NFIB: variants seen among roughly 807,000 people sequenced by gnomAD.
NFIB encodes nuclear factor 1 B-type.
In NFIB, 11 loss-of-function variants were observed where a neutral mutation model predicts 61.5. That is an observed-to-expected ratio of 0.18 (90% CI 0.11 to 0.30). The LOEUF is 0.30. Ranked by LOEUF, NFIB falls within the 10% of genes least tolerant of loss-of-function variation. The pLI is 1.00. For synonymous variants in NFIB, 260 were observed against 216.5 expected, an observed-to-expected ratio of 1.20 and a Z score of -1.76; for missense variants, 471 against 608.9, an observed-to-expected ratio of 0.77 and a Z score of 2.38.
At chr9:14,493,112 G>A in the NFIB span, among the ~76,000 whole-genome samples, 3 of 152,176 alleles carry the variant, frequency 2.0e-5, no homozygotes, top group Non-Finnish European at 4.4e-5. Flanking sequence ...TCACTCTAAG[G>A]CAGTGCTCTC....
intron 2 of NFIB, among the ~76,000 whole-genome samples, chr9:14,206,333 A>T (rs12004290): frequency 0.24 from 35,713 of 151,464 alleles, 4,304 homozygotes; most frequent in South Asian, 0.39. Context: ...CACCTGGCTA[A>T]TTTTTTTGTA....
intron 2 of NFIB, among the ~76,000 whole-genome samples, chr9:14,304,363 A>C (rs2059911349): frequency 6.6e-6 from 1 of 152,246 alleles, no homozygotes; most frequent in Non-Finnish European, 1.5e-5. Context: ...GCAGTGTGTG[A>C]TCTTGTATAA....
At chr9:14,301,484 C>A (rs931828905) in intron 2 of NFIB, among the ~76,000 whole-genome samples, 1 of 152,112 alleles carries the variant, frequency 6.6e-6, no homozygotes, top group Non-Finnish European at 1.5e-5. Flanking sequence ...TTTTACCAAC[C>A]TTTGCTGCCT....
At chr9:14,440,705 G>C in the NFIB span, among the ~76,000 whole-genome samples, 1 of 152,322 alleles carries the variant, frequency 6.6e-6, no homozygotes, top group East Asian at 1.9e-4. Flanking sequence ...GAGTGAGAGA[G>C]AAACCAGGGA....
At chr9:14,173,938 C>G (rs2045860786) in intron 3 of NFIB, among the ~76,000 whole-genome samples, 3 of 152,116 alleles carry the variant, frequency 2.0e-5, no homozygotes, top group Admixed American at 2.0e-4. Flanking sequence ...GTAGATCAAC[C>G]TTTCATGAGT....
chr9:14,530,981 G>A, the NFIB span, among the ~76,000 whole-genome samples: 19 of 152,174 alleles, frequency 1.2e-4, no homozygotes, highest in South Asian at 2.1e-4. Context: ...GAATTTAATA[G>A]TCATATGAAA....
At chr9:14,142,501 G>C (rs1471445497) in intron 6 of NFIB, among the ~76,000 whole-genome samples, 1 of 152,064 alleles carries the variant, frequency 6.6e-6, no homozygotes, top group African/African-American at 2.4e-5. Context: ...ACTGGATTTA[G>C]TCTCATGAGA....
intron 7 of NFIB, among the ~76,000 whole-genome samples, chr9:14,122,290 A>G (rs2039046418): frequency 6.6e-6 from 1 of 152,106 alleles, no homozygotes; most frequent in South Asian, 2.1e-4. Context: ...ACATAAATTC[A>G]ATTTTATAGT....
the NFIB span, among the ~76,000 whole-genome samples, chr9:14,476,141 C>A: frequency 6.6e-6 from 1 of 152,060 alleles, no homozygotes; most frequent in Non-Finnish European, 1.5e-5. Context: ...AACTCTACTC[C>A]CTAAACCAAA....
intron 2 of NFIB, among the ~76,000 whole-genome samples, chr9:14,260,440 T>C (rs192992393): frequency 1.3e-5 from 2 of 152,374 alleles, no homozygotes; most frequent in East Asian, 3.9e-4. Flanking sequence ...TTAGTTTATG[T>C]AGCTTATGTG....
intron 1 of NFIB, among the ~76,000 whole-genome samples, chr9:14,320,938 G>A (rs1275366105): frequency 1.3e-5 from 2 of 152,012 alleles, no homozygotes; most frequent in African/African-American, 4.8e-5. Context: ...CTGTACTTGG[G>A]GGGTGGGGGA....
At chr9:14,220,396 G>A (rs566842289) in intron 2 of NFIB, among the ~76,000 whole-genome samples, 31 of 152,266 alleles carry the variant, frequency 2.0e-4, no homozygotes, top group Non-Finnish European at 3.1e-4. Flanking sequence ...TTTGAATTCT[G>A]CTTCCATGTA....
At chr9:14,209,311 A>T (rs2050071926) in intron 2 of NFIB, among the ~76,000 whole-genome samples, 1 of 152,200 alleles carries the variant, frequency 6.6e-6, no homozygotes, top group African/African-American at 2.4e-5. Context: ...TGGAAGGAAA[A>T]GGATCACAAT....
chr9:14,398,445 C>T, intron 1 of NFIB: 1 of 1,076,120 alleles, frequency 9.3e-7, no homozygotes, highest in Non-Finnish European at 1.3e-6. Flanking sequence ...TTTCTGAACC[C>T]CACACTGAGA....
At position 14,083,845 on chromosome 9, in the gene NFIB, T is replaced by C. The variant is rs900877337; in HGVS notation, c.*4464A>G. 9.3e-5 allele frequency: 21 copies of C among 225,902 alleles called. No homozygotes were observed. Among genetic ancestry groups the C allele is most frequent in the African/African-American group, 3.8e-4 (17 of 44,998 alleles). The allele number at this position is 225,902 out of a possible 1,614,324, so 14.0% of individuals were successfully genotyped here. Reference sequence around the variant, plus strand: ...GATTCTGCTCCCTGAGGACACGTTATGTGAGACATAGCACTGTTTTAGTTT... The same window carrying C: ...GATTCTGCTCCCTGAGGACACGTTACGTGAGACATAGCACTGTTTTAGTTT... On this transcript the variant is annotated 3_prime_UTR_variant, in exon 11 of 11. Coordinates refer to ENST00000380953, the MANE Select transcript of NFIB (RefSeq NM_001190737.2).
chr9:14,483,577 C>T, the NFIB span, among the ~76,000 whole-genome samples: 1 of 152,156 alleles, frequency 6.6e-6, no homozygotes, highest in African/African-American at 2.4e-5. Flanking sequence ...ATTATTTAAC[C>T]TCTCTGAGCT....
At chr9:14,288,710 C>T (rs2058876855) in intron 2 of NFIB, among the ~76,000 whole-genome samples, 1 of 151,898 alleles carries the variant, frequency 6.6e-6, no homozygotes, top group South Asian at 2.1e-4. Flanking sequence ...TATACTTGTC[C>T]CACTATCTTT....
intron 2 of NFIB, among the ~76,000 whole-genome samples, chr9:14,215,983 G>A (rs1260706589): frequency 1.3e-5 from 2 of 152,068 alleles, no homozygotes; most frequent in Non-Finnish European, 2.9e-5. Flanking sequence ...TGGGGGGTGG[G>A]CAATAAATAG....
the NFIB span, among the ~76,000 whole-genome samples, chr9:14,444,552 T>A: frequency 6.6e-6 from 1 of 152,160 alleles, no homozygotes; most frequent in Non-Finnish European, 1.5e-5. Flanking sequence ...CTTATACTCA[T>A]GCCAGAGAGA....
Sources: gnomAD v4.1 joint callset for allele counts (sites outside exome capture counted in the v4.1 genomes callset) on GRCh38, gnomAD v4.1.1 for gene constraint, MANE v1.5 for transcripts, NCBI Gene and HGNC (gene_info 2026-07-23, HGNC 2026-07-21) for gene names.